Variants in PTPRD observed in about 807,000 individuals in gnomAD.
PTPRD encodes the protein receptor-type tyrosine-protein phosphatase delta.
A neutral mutation model predicts 214.5 loss-of-function variants in PTPRD; 34 were observed. The ratio of observed to expected loss-of-function variants is 0.16; its 90% CI spans 0.12 to 0.21. PTPRD has a LOEUF of 0.21. Among genes scored for constraint, PTPRD ranks in the 10% least tolerant of loss-of-function variants. PTPRD has a pLI of 1.00. For synonymous variants in PTPRD, 1,128 were observed against 845.7 expected, an observed-to-expected ratio of 1.33 and a Z score of -5.79; for missense variants, 2,545 against 2,398.7, an observed-to-expected ratio of 1.06 and a Z score of -1.27.
intron 9 of PTPRD, among the ~76,000 whole-genome samples, chr9:9,209,115 T>C (rs1409571055): frequency 6.6e-6 from 1 of 152,102 alleles, no homozygotes; most frequent in Non-Finnish European, 1.5e-5. Context: ...GCTGACAATA[T>C]AACTCCTGAA....
intron 7 of PTPRD, among the ~76,000 whole-genome samples, chr9:9,601,249 A>C (rs2093746030): frequency 6.6e-6 from 1 of 151,724 alleles, no homozygotes; most frequent in Non-Finnish European, 1.5e-5. Flanking sequence ...TTTTGATAAA[A>C]ATTTTCTTTT....
intron 3 of PTPRD, among the ~76,000 whole-genome samples, chr9:10,078,607 A>C (rs538656144): frequency 6.6e-6 from 1 of 150,444 alleles, no homozygotes; most frequent in Non-Finnish European, 1.5e-5. Flanking sequence ...TATCCCAATC[A>C]GGGGGTGTTT....
chr9:10,166,880 T>C (rs544338957), intron 3 of PTPRD, among the ~76,000 whole-genome samples: 3 of 152,164 alleles, frequency 2.0e-5, no homozygotes, highest in Non-Finnish European at 2.9e-5. Context: ...ATTTCTTTTA[T>C]ATCTTGTAGG....
At chr9:8,647,661 A>T (rs2096723885) in intron 12 of PTPRD, among the ~76,000 whole-genome samples, 1 of 152,232 alleles carries the variant, frequency 6.6e-6, no homozygotes, top group African/African-American at 2.4e-5. Context: ...AAATTACTGA[A>T]TTCAAAAAAG....
At chr9:8,342,478 C>T (rs1394056361) in intron 39 of PTPRD, among the ~76,000 whole-genome samples, 2 of 152,070 alleles carry the variant, frequency 1.3e-5, no homozygotes, top group African/African-American at 4.8e-5. Context: ...ACCCTTCAGG[C>T]TGAGGACATT....
At chr9:10,159,698 A>T (rs2099115592) in intron 3 of PTPRD, among the ~76,000 whole-genome samples, 1 of 152,070 alleles carries the variant, frequency 6.6e-6, no homozygotes, top group African/African-American at 2.4e-5. Flanking sequence ...TGGAAGTGAG[A>T]AATATATTTG....
At chr9:8,409,273 G>T (rs1369727904) in intron 35 of PTPRD, among the ~76,000 whole-genome samples, 1 of 152,098 alleles carries the variant, frequency 6.6e-6, no homozygotes, top group Non-Finnish European at 1.5e-5. Context: ...CTTTCTCAGG[G>T]TCAAACAGCT....
At chr9:9,662,083 T>C (rs533172967) in intron 7 of PTPRD, among the ~76,000 whole-genome samples, 2 of 151,880 alleles carry the variant, frequency 1.3e-5, no homozygotes, top group South Asian at 4.1e-4. Context: ...TCAAATACTA[T>C]ATGAGAAATT....
At chr9:9,128,254 G>A (rs573254052) in intron 10 of PTPRD, among the ~76,000 whole-genome samples, 10 of 152,264 alleles carry the variant, frequency 6.6e-5, no homozygotes, top group Non-Finnish European at 1.2e-4. Flanking sequence ...TATGAGGTAT[G>A]TATATCTATA....
At chr9:8,856,512 T>G (rs1279437722) in intron 11 of PTPRD, among the ~76,000 whole-genome samples, 1 of 152,132 alleles carries the variant, frequency 6.6e-6, no homozygotes, top group Admixed American at 6.5e-5. Context: ...CTCTGTTAAG[T>G]CACTGGCACT....
chr9:10,328,615 T>C (rs1490796569), intron 3 of PTPRD, among the ~76,000 whole-genome samples: 1 of 151,780 alleles, frequency 6.6e-6, no homozygotes, highest in Non-Finnish European at 1.5e-5. Flanking sequence ...AATGACTTGC[T>C]GGAGGTAAAC....
chr9:10,320,035 G>T (rs569137985), intron 3 of PTPRD, among the ~76,000 whole-genome samples: 1 of 152,074 alleles, frequency 6.6e-6, no homozygotes, highest in African/African-American at 2.4e-5. Context: ...ACATTTTAGT[G>T]GATCAGTAAG....
chr9:9,501,029 T>C (rs185410642), intron 8 of PTPRD, among the ~76,000 whole-genome samples: 22 of 151,774 alleles, frequency 1.4e-4, no homozygotes, highest in Admixed American at 1.4e-3. Context: ...ACTTAGGAAA[T>C]AAAATGTATT....
chr9:9,335,513 G>C (rs928645849), intron 9 of PTPRD, among the ~76,000 whole-genome samples: 1 of 151,970 alleles, frequency 6.6e-6, no homozygotes, highest in Admixed American at 6.6e-5. Context: ...ACCTTACTAA[G>C]TCTGTTTGAA....
At chr9:8,506,550 G>C (rs569106999) in intron 22 of PTPRD, among the ~76,000 whole-genome samples, 2 of 152,272 alleles carry the variant, frequency 1.3e-5, no homozygotes, top group East Asian at 3.9e-4. Flanking sequence ...CCACTAGTGC[G>C]AGACTTTGAG....
intron 9 of PTPRD, among the ~76,000 whole-genome samples, chr9:9,227,966 TGATA>T (rs922899241): frequency 1.2e-4 from 19 of 152,224 alleles, no homozygotes; most frequent in African/African-American, 4.6e-4. Flanking sequence ...TGTTATTCAG[TGATA>T]GATAGATAAG....
At chr9:8,329,412 A>C (rs542915124) in intron 44 of PTPRD, among the ~76,000 whole-genome samples, 2 of 152,104 alleles carry the variant, frequency 1.3e-5, no homozygotes, top group Non-Finnish European at 2.9e-5. Context: ...AGCACCTGCC[A>C]GATGCCAGCC....
intron 2 of PTPRD, among the ~76,000 whole-genome samples, chr9:10,562,020 T>G (rs1185264992): frequency 6.6e-6 from 1 of 152,140 alleles, no homozygotes; most frequent in African/African-American, 2.4e-5. Flanking sequence ...TTGTAAGTAA[T>G]GAAAGAAAGT....
At chr9:9,365,177 C>G (rs2057514152) in intron 9 of PTPRD, among the ~76,000 whole-genome samples, 1 of 151,436 alleles carries the variant, frequency 6.6e-6, no homozygotes, top group African/African-American at 2.4e-5. Context: ...TGGATCACAG[C>G]TTTTTAAAAT....
Sources: gnomAD v4.1 joint callset for allele counts (sites outside exome capture counted in the v4.1 genomes callset) on GRCh38, gnomAD v4.1.1 for gene constraint, MANE v1.5 for transcripts, NCBI Gene and HGNC (gene_info 2026-07-23, HGNC 2026-07-21) for gene names.